The following IL2RB variants were observed in gnomAD, a reference collection of about 807,000 sequenced individuals.
IL2RB encodes the protein interleukin 2 receptor subunit beta.
Under a neutral mutation model 44.2 loss-of-function variants are expected in IL2RB, and 17 were observed. The observed-to-expected ratio is 0.38, with a 90% CI of 0.26 to 0.58. The LOEUF (loss-of-function observed/expected upper bound fraction) is 0.58. IL2RB is among the 20% of genes least tolerant of loss of function. The pLI is 0.63. For missense variants in IL2RB, 624 were observed against 685.5 expected (o/e 0.91, Z 1.00); for synonymous variants, 286 against 297.9 (o/e 0.96, Z 0.41).
intron 3 of IL2RB, 64 bp downstream of exon 3, chr22:37,143,457 G>T: frequency 9.1e-7 from 1 of 1,099,534 alleles, no homozygotes; most frequent in Non-Finnish European, 1.4e-6. Flanking sequence ...GGAGTCCAGT[G>T]CATAGGATCC....
upstream of IL2RB, among the ~76,000 whole-genome samples, chr22:37,151,365 T>C (rs1260612854): frequency 6.6e-6 from 1 of 152,238 alleles, no homozygotes; most frequent in Non-Finnish European, 1.5e-5. Flanking sequence ...TATGTTTTCT[T>C]TTGAGAACTG....
rs1923226927 is a variant in IL2RB at position 37,170,083 on chromosome 22, AGGAAGAATGGATGGATGGATGGAT to A, written c.-34+4851_-34+4874del. The stretch of plus-strand genomic sequence containing the variant: ...AGGAAGGAAGGATGGGGGAGAAGGA[AGGAAGAATGGATGGATGGATGGAT>A]GGATGGATGGATGGATGGATGGATG... On this transcript the variant is annotated intron_variant, in intron 1 of 5. Transcript: ENST00000429622. Among the ~76,000 whole-genome samples, 16 of 124,024 alleles carry A rather than the reference AGGAAGAATGGATGGATGGATGGAT, an allele frequency of 1.3e-4. 1 individual carries two copies. The South Asian group carries it at 3.1e-3, about 24-fold the overall frequency. 81.4% of individuals were successfully genotyped at this position (124,024 alleles called of 152,430 possible). A position where few individuals can be genotyped will look rare whatever the true frequency, so the allele number is the denominator to read the frequency against.
At chr22:37,159,748 G>A (rs1245138375) in intron 1 of IL2RB, among the ~76,000 whole-genome samples, 3 of 152,342 alleles carry the variant, frequency 2.0e-5, no homozygotes, top group African/African-American at 7.2e-5. Context: ...GCCTGCAGAA[G>A]GGAAGTTCTG....
intron 4 of IL2RB, among the ~76,000 whole-genome samples, chr22:37,140,128 C>T (rs1921892191): frequency 6.6e-6 from 1 of 152,136 alleles, no homozygotes; most frequent in Admixed American, 6.5e-5. Flanking sequence ...GGACCTTGGG[C>T]ACCGTCCCTC....
chr22:37,155,993 G>A (rs1475436449), intron 1 of IL2RB, among the ~76,000 whole-genome samples: 2 of 152,162 alleles, frequency 1.3e-5, no homozygotes, highest in Non-Finnish European at 2.9e-5. Context: ...ATGTCCTTGG[G>A]CTGTCTTTTT....
upstream of IL2RB, among the ~76,000 whole-genome samples, chr22:37,152,645 A>T (rs527605282): frequency 5.9e-5 from 9 of 152,250 alleles, no homozygotes; most frequent in East Asian, 1.5e-3. Context: ...TCACTTACTG[A>T]ACATTCTAGA....
intron 1 of IL2RB, among the ~76,000 whole-genome samples, chr22:37,146,899 C>A (rs1420792886): frequency 6.6e-6 from 1 of 152,198 alleles, no homozygotes. Context: ...GGGACACACA[C>A]CCTGGCCCCA....
intron 1 of IL2RB, among the ~76,000 whole-genome samples, chr22:37,147,736 G>A (rs941494301): frequency 5.9e-5 from 9 of 152,232 alleles, no homozygotes; most frequent in Non-Finnish European, 2.9e-5. Context: ...CAGACTGGCA[G>A]GTGCTTATTC....
intron 1 of IL2RB, among the ~76,000 whole-genome samples, chr22:37,171,128 C>T (rs1210438412): frequency 2.0e-5 from 3 of 152,114 alleles, no homozygotes; most frequent in South Asian, 2.1e-4. Context: ...GGACTACAGG[C>T]GCGGCCACCA....
At position 37,128,622 on chromosome 22, in the gene IL2RB, GC is replaced by G; in HGVS notation, c.1129del (p.Ala377ProfsTer155). Reference sequence around the variant, plus strand: ...GTCGTAAGTAAAGTACACCTGGCAGGCCTCTATCTCCAAGGCATCCGGGAGG... The same window carrying G: ...GTCGTAAGTAAAGTACACCTGGCAGGCTCTATCTCCAAGGCATCCGGGAGG... The part of the protein sequence containing the change: ...FHLPDALEIE[A>X]CQVYFTYDPY... On this transcript the variant is annotated frameshift_variant, in exon 10 of 10. Coordinates refer to ENST00000216223, the MANE Select transcript of IL2RB (RefSeq NM_000878.5). LOFTEE classifies it low-confidence loss of function (END_TRUNC). This position sits in a 1 kb window ranked among gnomAD's most constrained non-coding sequence, Gnocchi z 4.5. The G allele has an allele frequency of 6.2e-7, 1 of 1,614,096 alleles. No homozygotes were observed. Among genetic ancestry groups the G allele is most frequent in the Non-Finnish European group, 8.5e-7 (1 of 1,179,968 alleles).
At chr22:37,163,417 G>A (rs1384207929) in intron 1 of IL2RB, among the ~76,000 whole-genome samples, 1 of 152,214 alleles carries the variant, frequency 6.6e-6, no homozygotes, top group African/African-American at 2.4e-5. Flanking sequence ...ACCAAATGCA[G>A]GAAGGTAGAT....
rs772001377 is a variant in IL2RB at position 37,149,851 on chromosome 22, C to T, written c.-60G>A. ...TGGCTGAGACATGGGGCGGTGGCAG[C>T]GCGCGCTCTCCAGTCCTCCCCGGTG... On this transcript the variant is annotated 5_prime_UTR_variant, in exon 1 of 10. Transcript: ENST00000216223. The T allele has an allele frequency of 1.1e-5, 11 of 985,540 alleles. No homozygotes were observed. Among genetic ancestry groups the T allele is most frequent in the African/African-American group, 3.5e-5 (2 of 57,184 alleles). The allele number at this position is 985,540 out of a possible 1,614,324, so 61.0% of individuals were successfully genotyped here.
intron 2 of IL2RB, 52 bp from the exon 3 acceptor site, chr22:37,143,687 C>A (rs771908065): frequency 4.7e-6 from 6 of 1,268,968 alleles, no homozygotes; most frequent in South Asian, 1.2e-5. Flanking sequence ...CACAGCCCCC[C>A]CAAGACACGC....
intron 1 of IL2RB, among the ~76,000 whole-genome samples, chr22:37,160,301 C>A (rs1040791659): frequency 1.3e-5 from 2 of 152,218 alleles, no homozygotes; most frequent in African/African-American, 4.8e-5. Context: ...TTCAGCGGGG[C>A]CTCGCTCTTT....
rs1288042531 is a variant in IL2RB at position 37,137,741 on chromosome 22, G to T, written c.389-6C>A. 6.2e-7 allele frequency: 1 copy of T among 1,613,130 alleles called. No individual in the cohort carries two copies. On this transcript the variant is annotated splice_polypyrimidine_tract_variant and splice_region_variant and intron_variant, in intron 5 of 9. Transcript: ENST00000216223. ...GATGGGGGCCATCAGGCGAACTGGA[G>T]ACAACAGGGGGTAGGGGAGAGCAGT...
chr22:37,174,442 T>A (rs1404085254), intron 1 of IL2RB, among the ~76,000 whole-genome samples: 1 of 152,194 alleles, frequency 6.6e-6, no homozygotes, highest in Non-Finnish European at 1.5e-5. Context: ...GCCCAAGAGA[T>A]GGCCATTTGA....
chr22:37,134,177 A>G (rs530233422), intron 8 of IL2RB, among the ~76,000 whole-genome samples: 1 of 152,310 alleles, frequency 6.6e-6, no homozygotes, highest in East Asian at 1.9e-4. Flanking sequence ...AATAATACAA[A>G]TTTTTAAAAT....
intron 6 of IL2RB, 79 bp from the exon 7 acceptor site, chr22:37,136,472 C>G: frequency 6.9e-7 from 1 of 1,446,158 alleles, no homozygotes; most frequent in South Asian, 1.3e-5. Flanking sequence ...CAGAACCCCC[C>G]CCCAACCCCT....
At position 37,126,975 on chromosome 22, in the gene IL2RB, G is replaced by A. The variant is rs1001091177; in HGVS notation, c.*1121C>T. ...GTGAAAAATAATGAGGCCCTGCCCT[G>A]TGGAGCTGCCCTTCTGGAGGCCAGT... On this transcript the variant is annotated 3_prime_UTR_variant, in exon 10 of 10. Transcript: ENST00000216223. The A allele has an allele frequency of 6.6e-6, 1 of 152,318 alleles. No homozygotes were observed. The highest frequency in any genetic ancestry group is 1.5e-5 in the Non-Finnish European group (1 of 68,128). 9.4% of individuals were successfully genotyped at this position (152,318 alleles called of 1,614,324 possible).
Sources: gnomAD v4.1 joint callset for allele counts (sites outside exome capture counted in the v4.1 genomes callset) on GRCh38, gnomAD v4.1.1 for gene constraint, Gnocchi (gnomAD v3.1) non-coding constraint, MANE v1.5 for transcripts, NCBI Gene and HGNC (gene_info 2026-07-23, HGNC 2026-07-21) for gene names.